The following GRID2 variants were observed in gnomAD, a reference collection of about 807,000 sequenced individuals.
GRID2 encodes glutamate receptor ionotropic, delta-2.
In GRID2, 33 loss-of-function variants were observed where a neutral mutation model predicts 114.8. That is an observed-to-expected ratio of 0.29 (90% CI 0.22 to 0.38). The LOEUF (loss-of-function observed/expected upper bound fraction) is 0.38, where lower values mean the gene tolerates loss of function less well. Among genes scored for constraint, GRID2 ranks in the 10% least tolerant of loss-of-function variants. The pLI, the probability that GRID2 is intolerant of heterozygous loss-of-function variation, is 1.00. For synonymous variants in GRID2, 505 were observed against 449.9 expected (o/e 1.12, Z -1.55); for missense variants, 1,184 against 1,257.7 (o/e 0.94, Z 0.89).
At chr4:92,738,810 T>G (rs1455781093) in intron 2 of GRID2, among the ~76,000 whole-genome samples, 1 of 152,026 alleles carries the variant, frequency 6.6e-6, no homozygotes, top group Non-Finnish European at 1.5e-5. Context: ...CACCACCATG[T>G]CAGCTAATTT....
intron 2 of GRID2, among the ~76,000 whole-genome samples, chr4:92,779,889 C>T (rs898841530): frequency 2.6e-5 from 4 of 151,962 alleles, no homozygotes; most frequent in Admixed American, 6.6e-5. Flanking sequence ...ATGTTTTCAC[C>T]TTTGTTTAGG....
chr4:92,820,447 A>G (rs1741205295), intron 2 of GRID2, among the ~76,000 whole-genome samples: 1 of 152,166 alleles, frequency 6.6e-6, no homozygotes, highest in Admixed American at 6.6e-5. Context: ...AAACAGGCAG[A>G]GTTAACTCTA....
chr4:92,443,632 C>CT (rs1733257184), intron 1 of GRID2, among the ~76,000 whole-genome samples: 1 of 152,136 alleles, frequency 6.6e-6, no homozygotes, highest in Non-Finnish European at 1.5e-5. Flanking sequence ...AAAAGCGGGA[C>CT]TTGCCGCTAA....
intron 8 of GRID2, among the ~76,000 whole-genome samples, chr4:93,251,439 A>C (rs1023511475): frequency 6.6e-5 from 10 of 152,202 alleles, no homozygotes; most frequent in African/African-American, 2.2e-4. Flanking sequence ...TTTTAAGCAG[A>C]GCTTATTTTA....
At chr4:92,866,712 T>A (rs1166502200) in intron 2 of GRID2, among the ~76,000 whole-genome samples, 1 of 141,314 alleles carries the variant, frequency 7.1e-6, no homozygotes, top group South Asian at 2.4e-4. Flanking sequence ...CCCGGCTAAT[T>A]TTTTTTTTTT....
At chr4:93,636,709 G>A (rs28506193) in intron 14 of GRID2, among the ~76,000 whole-genome samples, 5,159 of 152,190 alleles carry the variant, frequency 0.034, 150 homozygotes, top group African/African-American at 0.075. Context: ...GGGAATAAAC[G>A]TGTGGGCTTA....
intron 1 of GRID2, among the ~76,000 whole-genome samples, chr4:92,411,655 G>GTGTGTGTGTGTATATATATA: frequency 2.4e-5 from 2 of 84,690 alleles, no homozygotes; most frequent in African/African-American, 1.2e-4. Flanking sequence ...GTGTGTGTGT[G>GTGTGTGTGTGTATATATATA]TATATATATA....
At chr4:92,814,490 G>A (rs896789591) in intron 2 of GRID2, among the ~76,000 whole-genome samples, 1 of 152,078 alleles carries the variant, frequency 6.6e-6, no homozygotes, top group African/African-American at 2.4e-5. Context: ...CTGGCTGGTG[G>A]ACAAATTGCT....
intron 14 of GRID2, among the ~76,000 whole-genome samples, chr4:93,764,014 C>T (rs760114093): frequency 1.3e-5 from 2 of 152,048 alleles, no homozygotes; most frequent in Non-Finnish European, 2.9e-5. Flanking sequence ...TAGAAATTTG[C>T]GTCCAACTTT....
intron 1 of GRID2, among the ~76,000 whole-genome samples, chr4:92,546,206 A>G (rs1206234348): frequency 6.6e-6 from 1 of 152,186 alleles, no homozygotes; most frequent in Non-Finnish European, 1.5e-5. Context: ...TTTGATTAAT[A>G]TATTTATGTG....
At chr4:92,704,913 A>C (rs1160790031) in intron 2 of GRID2, among the ~76,000 whole-genome samples, 1 of 152,088 alleles carries the variant, frequency 6.6e-6, no homozygotes, top group Non-Finnish European at 1.5e-5. Context: ...ATAAATTCTA[A>C]GTGTCACCTA....
intron 2 of GRID2, among the ~76,000 whole-genome samples, chr4:93,053,884 C>A (rs1376913074): frequency 6.6e-6 from 1 of 151,778 alleles, no homozygotes; most frequent in South Asian, 2.1e-4. Flanking sequence ...TGTTATATTC[C>A]TTTTTTGTGC....
At chr4:93,597,178 A>G (rs1457561709) in intron 13 of GRID2, among the ~76,000 whole-genome samples, 3 of 152,258 alleles carry the variant, frequency 2.0e-5, no homozygotes, top group Non-Finnish European at 1.5e-5. Context: ...TAAACAAACA[A>G]TAACAACAAA....
intron 13 of GRID2, among the ~76,000 whole-genome samples, chr4:93,536,708 A>G (rs1732122386): frequency 6.6e-6 from 1 of 150,376 alleles, no homozygotes; most frequent in African/African-American, 2.4e-5. Context: ...TTTAAATTCA[A>G]TCTACTTTGA....
chr4:93,162,338 C>T (rs922577885), intron 4 of GRID2, among the ~76,000 whole-genome samples: 1 of 151,890 alleles, frequency 6.6e-6, no homozygotes, highest in Non-Finnish European at 1.5e-5. Context: ...AAATTAGTTA[C>T]AATTTTCATG....
In GRID2 at chr4:93,140,165, T is replaced by C. The variant is rs553723839; in HGVS notation, c.735+29212T>C. Among the ~76,000 whole-genome samples, 673 of 145,082 alleles carry C rather than the reference T, an allele frequency of 4.6e-3. 10 individuals carry two copies. Among genetic ancestry groups the C allele is most frequent in the African/African-American group, 0.017 (641 of 37,796 alleles). On this transcript the variant is annotated intron_variant, in intron 4 of 15. Coordinates refer to ENST00000282020, the MANE Select transcript of GRID2 (RefSeq NM_001510.4). ...CATTTTCTTTCTTTTCTTTTCTTTT[T>C]TTTTTTTTTTTGAGACTGAGTCTCA...
intron 13 of GRID2, among the ~76,000 whole-genome samples, chr4:93,540,331 G>A (rs752300054): frequency 5.3e-5 from 8 of 151,882 alleles, no homozygotes; most frequent in Non-Finnish European, 7.4e-5. Context: ...TCCATGCATC[G>A]TCTGTTGCTT....
chr4:93,176,783 C>G (rs1412178908), intron 4 of GRID2, among the ~76,000 whole-genome samples: 3 of 152,182 alleles, frequency 2.0e-5, no homozygotes, highest in Non-Finnish European at 4.4e-5. Flanking sequence ...ACAGAATTCT[C>G]AGCCGTATTT....
At chr4:93,678,531 G>C (rs1268390874) in intron 14 of GRID2, among the ~76,000 whole-genome samples, 1 of 151,916 alleles carries the variant, frequency 6.6e-6, no homozygotes, top group South Asian at 2.1e-4. Flanking sequence ...CAGAGAGAAA[G>C]GTCCGGTTAC....
Sources: gnomAD v4.1 joint callset for allele counts (sites outside exome capture counted in the v4.1 genomes callset) on GRCh38, gnomAD v4.1.1 for gene constraint, MANE v1.5 for transcripts, NCBI Gene and HGNC (gene_info 2026-07-23, HGNC 2026-07-21) for gene names.